Variants in GRK6 observed in about 807,000 individuals in gnomAD.
GRK6 encodes G protein-coupled receptor kinase 6.
GRK6 carries 37 observed loss-of-function variants against 80.8 expected under a neutral mutation model. That is an observed-to-expected ratio of 0.46 (90% CI 0.35 to 0.60). GRK6 has a LOEUF of 0.60. GRK6 is among the 20% of genes least tolerant of loss of function. The probability of loss-of-function intolerance (pLI) is 0.00; values close to 1 mark genes in which losing one functional copy is unlikely to be tolerated. For synonymous variants in GRK6, 295 were observed against 320.9 expected (o/e 0.92, Z 0.86); for missense variants, 560 against 784.6 (o/e 0.71, Z 3.42).
Position 177,432,769 on chromosome 5 carries a change from C to A in GRK6, c.403C>A (p.Gln135Lys). 1 of 1,612,452 alleles carries A rather than the reference C, an allele frequency of 6.2e-7. No individual in the cohort carries two copies. Residue 135 changes from glutamine to lysine, a missense_variant, in exon 5 of 16, where the codon CAG becomes AAG. Gln to Lys is a moderately conservative substitution (Grantham distance 53). Transcript: ENST00000355472. ...LVTNCTQRLE[Q>K]GPCKDLFQEL... ...GACGAACTGCACCCAGCGGCTGGAG[C>A]AGGGTCCCTGCAAAGACCTTTTCCA...
chr5:177,426,736 G>GCGAGCCGAGC lies in GRK6; in HGVS notation c.-102_-93dup, dbSNP rs1252146164. 7 of 549,276 alleles carry GCGAGCCGAGC rather than the reference G, an allele frequency of 1.3e-5. No homozygotes were observed. Among genetic ancestry groups the GCGAGCCGAGC allele is most frequent in the African/African-American group, 4.1e-5 (2 of 48,412 alleles). The allele number at this position is 549,276 out of a possible 1,614,324, so 34.0% of individuals were successfully genotyped here. A position where few individuals can be genotyped will look rare whatever the true frequency, so the allele number is the denominator to read the frequency against. ...CCGGGGAGGCCGCGGCGCGGTCACT[G>GCGAGCCGAGC]CGAGCCGAGCCGAGCCGCGCCGAGC... On this transcript the variant is annotated 5_prime_UTR_variant, in exon 1 of 16. Coordinates refer to ENST00000355472, the MANE Select transcript of GRK6 (RefSeq NM_001004106.3).
chr5:177,441,497 C>T (rs905404094), intron 15 of GRK6: 24 of 622,228 alleles, frequency 3.9e-5, no homozygotes, highest in Admixed American at 1.1e-4. Flanking sequence ...CCTGGCAGAC[C>T]GTGGGATCTA....
At chr5:177,434,977 AGATGCAGAGGCCTGG>A in intron 10 of GRK6, 38 bp downstream of exon 10, 1 of 1,613,258 alleles carries the variant, frequency 6.2e-7, no homozygotes, top group East Asian at 2.2e-5. Flanking sequence ...GGGTGGGGTG[AGATGCAGAGGCCTGG>A]CCTGTTAACG....
chr5:177,441,106 T>A, intron 15 of GRK6, 53 bp downstream of exon 15: 3 of 1,599,466 alleles, frequency 1.9e-6, no homozygotes, highest in South Asian at 2.2e-5. Flanking sequence ...CAGGGGACGG[T>A]GGGTGGGAGG....
In GRK6 at chr5:177,441,890, G is replaced by A. The variant is rs1417915224; in HGVS notation, c.*100G>A. The A allele has an allele frequency of 9.0e-6, 10 of 1,107,274 alleles. No homozygotes were observed. The South Asian group carries it at 9.6e-5, about 11-fold the overall frequency. 68.6% of individuals were successfully genotyped at this position (1,107,274 alleles called of 1,614,324 possible). A position where few individuals can be genotyped will look rare whatever the true frequency, so the allele number is the denominator to read the frequency against. On this transcript the variant is annotated 3_prime_UTR_variant, in exon 16 of 16. Coordinates refer to ENST00000355472, the MANE Select transcript of GRK6 (RefSeq NM_001004106.3). Reference sequence around the variant, plus strand: ...ATCTTCCCCATTGTCCACTCAAGTCGTGGCCTGGGGAACACAGACGGAGCT... The same window carrying A: ...ATCTTCCCCATTGTCCACTCAAGTCATGGCCTGGGGAACACAGACGGAGCT...
At chr5:177,435,950 C>T in intron 11 of GRK6, 123 bp from the exon 12 acceptor site, 1 of 798,164 alleles carries the variant, frequency 1.3e-6, no homozygotes, top group Non-Finnish European at 2.0e-6. Flanking sequence ...TCCTACTGGC[C>T]AAGGTCCCCC....
intron 12 of GRK6, 53 bp downstream of exon 12, chr5:177,436,334 T>TGGCCCCC: frequency 1.3e-6 from 2 of 1,556,026 alleles, no homozygotes; most frequent in Non-Finnish European, 1.8e-6. Context: ...GATGCACCTT[T>TGGCCCCC]CCCTCCCTCC....
Position 177,432,026 on chromosome 5 carries a change from G to A in GRK6, c.180G>A (p.Gln60=), listed in dbSNP as rs748934887. The A allele has an allele frequency of 8.7e-6, 14 of 1,613,284 alleles. No homozygotes were observed. In the Admixed American group the frequency reaches 2.2e-4, roughly 25 times the overall value. The change falls in exon 3 of 16, where the codon CAG becomes CAA. Residue 60 remains glutamine (Q), a synonymous_variant. Transcript: ENST00000355472. ...ERDYHSLCER[Q]PIGRLLFREF... ...ACTATCACAGCCTGTGCGAGCGGCAGCCCATTGGGCGCCTGCTGTTCCGAG... is the reference window on the plus strand; with the variant it reads ...ACTATCACAGCCTGTGCGAGCGGCAACCCATTGGGCGCCTGCTGTTCCGAG...
In GRK6 at chr5:177,428,242, G is replaced by A. The variant is rs1177469735; in HGVS notation, c.52+1345G>A. On this transcript the variant is annotated intron_variant, in intron 1 of 15. Coordinates refer to ENST00000355472, the MANE Select transcript of GRK6 (RefSeq NM_001004106.3). This position sits in a 1 kb window ranked among gnomAD's most constrained non-coding sequence, Gnocchi z 4.1. ...GGAGGGGTGGGGAGGGCCGAAACAGGCCTTCTTCCCTAGGGCTGTAGCCAG... is the reference window on the plus strand; with the variant it reads ...GGAGGGGTGGGGAGGGCCGAAACAGACCTTCTTCCCTAGGGCTGTAGCCAG... Among the ~76,000 whole-genome samples, 1 of 152,248 alleles carries A rather than the reference G, an allele frequency of 6.6e-6. No homozygotes were observed. Among genetic ancestry groups the A allele is most frequent in the Admixed American group, 6.5e-5 (1 of 15,282 alleles).
Position 177,426,891 on chromosome 5 carries a change from CG to C in GRK6, c.49del (p.Glu17LysfsTer61). ...IVANTVLLKAREGGGGNRKGK... is the reference protein window; with the variant it reads ...IVANTVLLKAXEGGGGNRKGK... ...AGCGAACACGGTGCTACTCAAGGCC[CG>C]GGAAGGTGAGGCGGCCGGGTGGGCG... is the stretch of plus-strand genomic sequence containing the variant. On this transcript the variant is annotated frameshift_variant, in exon 1 of 16. Transcript: ENST00000355472. LOFTEE classifies it high-confidence loss of function. The C allele has an allele frequency of 7.2e-7, 1 of 1,395,712 alleles. No individual in the cohort carries two copies. The highest frequency in any genetic ancestry group is 9.4e-7 in the Non-Finnish European group (1 of 1,068,200). The allele number at this position is 1,395,712 out of a possible 1,614,324, so 86.5% of individuals were successfully genotyped here.
In GRK6 at chr5:177,428,163, C is replaced by T. The variant is rs1429962470; in HGVS notation, c.52+1266C>T. ...CCCATGGGCTAGGCCTTCCTCCCAG[C>T]CTCTGGGGGCATCTGCCGATTCTGT... On this transcript the variant is annotated intron_variant, in intron 1 of 15. Coordinates refer to ENST00000355472, the MANE Select transcript of GRK6 (RefSeq NM_001004106.3). This position sits in a 1 kb window ranked among gnomAD's most constrained non-coding sequence, Gnocchi z 4.1. Among the ~76,000 whole-genome samples the T allele has an allele frequency of 2.6e-5, 4 of 152,244 alleles. No individual in the cohort carries two copies. The highest frequency in any genetic ancestry group is 4.4e-5 in the Non-Finnish European group (3 of 68,042).
At chr5:177,433,286 T>G in intron 6 of GRK6, 47 bp downstream of exon 6, 1 of 1,613,714 alleles carries the variant, frequency 6.2e-7, no homozygotes, top group East Asian at 2.2e-5. Flanking sequence ...TCGCCGGGGT[T>G]CTTCATAGGC....
At chr5:177,434,361 G>A (rs762796925) in intron 9 of GRK6, among the ~76,000 whole-genome samples, 1 of 152,200 alleles carries the variant, frequency 6.6e-6, no homozygotes, top group Non-Finnish European at 1.5e-5. Flanking sequence ...TGGGCCAGGA[G>A]CTCCCTGCTC....
In GRK6 at chr5:177,436,413, C is replaced by G. The variant is rs371388028; in HGVS notation, c.1287C>G (p.Ala429=). The change falls in exon 13 of 16, where the codon GCC becomes GCG. Residue 429 remains alanine, a synonymous_variant. Coordinates refer to ENST00000355472, the MANE Select transcript of GRK6 (RefSeq NM_001004106.3). ...LCSQLLCKDP[A]ERLGCRGGSA... Reference sequence around the variant, plus strand: ...CACAGCTCCTCTGCAAGGACCCTGCCGAACGCCTGGGGTGTCGTGGGGGCA... The same window carrying G: ...CACAGCTCCTCTGCAAGGACCCTGCGGAACGCCTGGGGTGTCGTGGGGGCA... 11 of 1,613,084 alleles carry G rather than the reference C, an allele frequency of 6.8e-6. No homozygotes were observed. The African/African-American group carries it at 9.4e-5, about 14-fold the overall frequency.
intron 3 of GRK6, 61 bp from the exon 4 acceptor site, chr5:177,432,172 C>T (rs777388507): frequency 1.1e-5 from 18 of 1,609,758 alleles, no homozygotes; most frequent in Non-Finnish European, 1.4e-5. Context: ...TGTGCCCCTC[C>T]TCCCCACACC....
At position 177,432,203 on chromosome 5, in the gene GRK6, C is replaced by T. The variant is rs374509080; in HGVS notation, c.262-30C>T. The T allele has an allele frequency of 1.6e-5, 26 of 1,613,370 alleles. No individual in the cohort carries two copies. The African/African-American group carries it at 3.2e-4, about 20-fold the overall frequency. ...ACACCTGCTGCTTGCCCTGCCCAGA[C>T]CTCCAGCTTCTTTGCTTTCCACCCT... On this transcript the variant is annotated intron_variant, in intron 3 of 15. Transcript: ENST00000355472.
chr5:177,436,530 C>T lies in GRK6; in HGVS notation c.1404C>T (p.Asp468=), dbSNP rs768906970. 8.8e-6 allele frequency: 14 copies of T among 1,586,762 alleles called. No individual in the cohort carries two copies. The highest frequency in any genetic ancestry group is 1.8e-4 in the Middle Eastern group (1 of 5,630). ...AGMLEPPFKP[D]PQAIYCKDVL... ...TGCTGGAGCCGCCGTTCAAGCCTGA[C>T]GTGAGTGCAGCCCACTCCTGCTGAG... The change falls in exon 13 of 16, where the codon GAC becomes GAT. Residue 468 remains aspartate (D), a splice_region_variant and synonymous_variant. Coordinates refer to ENST00000355472, the MANE Select transcript of GRK6 (RefSeq NM_001004106.3).
At chr5:177,433,283 G>T in intron 6 of GRK6, 44 bp downstream of exon 6, 1 of 1,613,680 alleles carries the variant, frequency 6.2e-7, no homozygotes, top group East Asian at 2.2e-5. Flanking sequence ...AGGTCGCCGG[G>T]GTTCTTCATA....
At chr5:177,441,261 C>T (rs775853411) in intron 15 of GRK6, 56 of 1,564,392 alleles carry the variant, frequency 3.6e-5, no homozygotes, top group Non-Finnish European at 4.6e-5. Flanking sequence ...GCAGTGTGGG[C>T]TCCCCGTGGG....
Sources: allele counts gnomAD v4.1 joint callset (sites outside exome capture counted in the v4.1 genomes callset), GRCh38; gene constraint gnomAD v4.1.1; non-coding constraint Gnocchi (gnomAD v3.1); transcripts MANE v1.5; gene names NCBI Gene and HGNC (gene_info 2026-07-23, HGNC 2026-07-21).